Variants in CFAP251 observed in about 807,000 individuals in gnomAD.
The protein encoded by CFAP251 is cilia and flagella associated protein 251, also known as cilia- and flagella-associated protein 251.
CFAP251 carries 93 observed loss-of-function variants against 126.7 expected under a neutral mutation model. The observed-to-expected ratio is 0.73, with a 90% CI of 0.62 to 0.87. CFAP251 has a LOEUF of 0.87. Ranked by LOEUF, CFAP251 falls within the 40% of genes least tolerant of loss-of-function variation. The pLI is 0.00. For missense variants in CFAP251, 1,287 were observed against 1,389.2 expected (o/e 0.93, Z 1.17); for synonymous variants, 503 against 506.9 (o/e 0.99, Z 0.10).
chr12:121,992,450 C>T, intron 19 of CFAP251: 1 of 985,368 alleles, frequency 1.0e-6, no homozygotes, highest in Non-Finnish European at 1.2e-6. Flanking sequence ...CTCTTTGGAA[C>T]TCTCTGGGTA....
At position 121,931,288 on chromosome 12, in the gene CFAP251, T is replaced by A. The variant is rs569553784; in HGVS notation, c.748-458T>A. 2.6e-3 allele frequency among the ~76,000 whole-genome samples: 397 copies of A among 151,838 alleles called. 2 individuals carry two copies. Among genetic ancestry groups the A allele is most frequent in the Middle Eastern group, 0.014 (4 of 294 alleles). On this transcript the variant is annotated intron_variant, in intron 3 of 21. Transcript: ENST00000288912. The stretch of plus-strand genomic sequence containing the variant: ...AAAATTCACCCTTTAAATTTTTTTT[T>A]AAATTGTGGTAAAATACACGGAACA...
chr12:121,997,650 T>G (rs887292548), intron 19 of CFAP251: 4 of 151,946 alleles, frequency 2.6e-5, no homozygotes, highest in African/African-American at 9.6e-5. Context: ...AATTGATTCC[T>G]AAGTACTTTA....
chr12:122,002,314 C>G (rs1883168776), intron 21 of CFAP251, among the ~76,000 whole-genome samples: 1 of 152,152 alleles, frequency 6.6e-6, no homozygotes, highest in Non-Finnish European at 1.5e-5. Context: ...GAGATCACAC[C>G]ATTGCACTCT....
At chr12:121,981,602 C>T (rs1472727801) in intron 19 of CFAP251, among the ~76,000 whole-genome samples, 2 of 152,218 alleles carry the variant, frequency 1.3e-5, no homozygotes, top group Non-Finnish European at 2.9e-5. Context: ...CCAGGTGCCC[C>T]TTCCTCAGCC....
chr12:121,995,856 G>T (rs1455541975), intron 19 of CFAP251, among the ~76,000 whole-genome samples: 1 of 151,964 alleles, frequency 6.6e-6, no homozygotes, highest in Non-Finnish European at 1.5e-5. Context: ...AGCGTTAAAG[G>T]AAAAAAGCAG....
chr12:121,972,832 C>A (rs949988108), intron 17 of CFAP251, among the ~76,000 whole-genome samples: 1 of 152,152 alleles, frequency 6.6e-6, no homozygotes, highest in Non-Finnish European at 1.5e-5. Context: ...CGAGAGGTGA[C>A]TTGGGTGCTG....
chr12:121,992,133 G>A (rs373272914), intron 19 of CFAP251: 4 of 893,328 alleles, frequency 4.5e-6, no homozygotes, highest in East Asian at 2.4e-4. Flanking sequence ...CCACCAGTGC[G>A]TCTGGGCCGC....
chr12:121,979,919 G>T (rs1018055664), intron 19 of CFAP251, among the ~76,000 whole-genome samples: 9 of 152,162 alleles, frequency 5.9e-5, no homozygotes, highest in African/African-American at 2.4e-5. Context: ...CCCATTTTCT[G>T]GTTCACAGAA....
intron 7 of CFAP251, among the ~76,000 whole-genome samples, chr12:121,943,270 G>A (rs1470632482): frequency 1.3e-5 from 2 of 152,014 alleles, no homozygotes; most frequent in African/African-American, 4.8e-5. Flanking sequence ...CCGAGACTGC[G>A]CCACTGCACT....
chr12:121,956,892 A>C (rs1881744832), intron 10 of CFAP251, among the ~76,000 whole-genome samples, 182 bp from the exon 11 acceptor site: 1 of 151,964 alleles, frequency 6.6e-6, no homozygotes, highest in African/African-American at 2.4e-5. Context: ...AAATTTCTTA[A>C]CTCTCTGAAA....
Position 121,946,765 on chromosome 12 carries a change from G to T in CFAP251, c.1192-2219G>T, listed in dbSNP as rs1328285956. 2.0e-5 allele frequency among the ~76,000 whole-genome samples: 3 copies of T among 151,090 alleles called. No homozygotes were observed. The East Asian group carries it at 5.8e-4, about 29-fold the overall frequency. ...CTGGCTAATTTTTTTTTTTTTTAGA[G>T]ATGGGGTCTCGCTGTGTTGCCCAGG... On this transcript the variant is annotated intron_variant, in intron 7 of 21. Transcript: ENST00000288912.
chr12:121,941,230 C>T (rs1286200114), intron 5 of CFAP251, among the ~76,000 whole-genome samples: 1 of 151,522 alleles, frequency 6.6e-6, no homozygotes, highest in Non-Finnish European at 1.5e-5. Flanking sequence ...CGGGGTTTCA[C>T]CATGTTGGCC....
rs1204590289 is a variant in CFAP251 at position 121,968,062 on chromosome 12, T to C, written c.2664T>C (p.Val888=). The change falls in exon 17 of 22, where the codon GTT becomes GTC. Residue 888 remains valine (V), a synonymous_variant. Transcript: ENST00000288912. ...ATCCACATAAGACATCTGCTATTGT[T>C]TGCCACCCGAACGGGGTGGCCGGCA... ...DGNPHKTSAI[V]CHPNGVAGMA... is the part of the protein sequence containing the mutation. 2.5e-6 allele frequency: 4 copies of C among 1,613,486 alleles called. No homozygotes were observed. The highest frequency in any genetic ancestry group is 1.1e-5 in the South Asian group (1 of 91,052).
intron 17 of CFAP251, among the ~76,000 whole-genome samples, chr12:121,973,677 G>C (rs953830675): frequency 2.2e-4 from 33 of 152,196 alleles, no homozygotes; most frequent in Non-Finnish European, 5.9e-5. Flanking sequence ...GGAGTCAAAG[G>C]AGATCATTTT....
chr12:121,927,154 C>T (rs1018471180), intron 3 of CFAP251, among the ~76,000 whole-genome samples: 1 of 151,136 alleles, frequency 6.6e-6, no homozygotes, highest in Admixed American at 6.6e-5. Context: ...CATGCCTGTG[C>T]ACATGGCTCA....
intron 9 of CFAP251, among the ~76,000 whole-genome samples, chr12:121,952,155 A>G (rs1474962670): frequency 6.7e-6 from 1 of 149,678 alleles, no homozygotes. Context: ...TAATCCCAAC[A>G]CTTTGGGAGA....
At chr12:121,987,732 A>G (rs2135809670) in intron 19 of CFAP251, among the ~76,000 whole-genome samples, 1 of 151,990 alleles carries the variant, frequency 6.6e-6, no homozygotes, top group Admixed American at 6.6e-5. Flanking sequence ...AAAAAAAAAA[A>G]AGAATACAGG....
rs1157924969 is a variant in CFAP251 at position 121,962,088 on chromosome 12, C to T, written c.2418C>T (p.Thr806=). Residue 806 remains threonine, a synonymous_variant, in exon 15 of 22, where the codon ACC becomes ACT. Transcript: ENST00000288912. ...PTCMVWYPPL[T]RELFLLICNS... Reference sequence around the variant, plus strand: ...GCATGGTCTGGTACCCACCACTCACCAGGGAACTCTTCCTGCTTATTTGCA... The same window carrying T: ...GCATGGTCTGGTACCCACCACTCACTAGGGAACTCTTCCTGCTTATTTGCA... 3 of 1,613,922 alleles carry T rather than the reference C, an allele frequency of 1.9e-6. No homozygotes were observed. The highest frequency in any genetic ancestry group is 2.5e-6 in the Non-Finnish European group (3 of 1,180,048).
chr12:121,990,708 G>A (rs1882857817), intron 19 of CFAP251, among the ~76,000 whole-genome samples: 1 of 152,000 alleles, frequency 6.6e-6, no homozygotes, highest in African/African-American at 2.4e-5. Context: ...ATCAGTTGAG[G>A]GCACTTAAAA....
Sources: gnomAD v4.1 joint callset for allele counts (sites outside exome capture counted in the v4.1 genomes callset) on GRCh38, gnomAD v4.1.1 for gene constraint, MANE v1.5 for transcripts, NCBI Gene and HGNC (gene_info 2026-07-23, HGNC 2026-07-21) for gene names.